The following FGF12 variants were observed in gnomAD, a reference collection of about 807,000 sequenced individuals.
FGF12 encodes the protein fibroblast growth factor 12, also known as fibroblast growth factor 12B.
Under a neutral mutation model 23.6 loss-of-function variants are expected in FGF12, and 14 were observed. The ratio of observed to expected loss-of-function variants is 0.59; its 90% CI spans 0.39 to 0.93. The LOEUF is 0.93. Ranked by LOEUF, FGF12 falls within the 40% of genes least tolerant of loss-of-function variation. The pLI is 0.00. For missense variants in FGF12, 175 were observed against 217.8 expected (o/e 0.80, Z 1.24); for synonymous variants, 62 against 77.3 (o/e 0.80, Z 1.04).
intron 4 of FGF12, among the ~76,000 whole-genome samples, chr3:192,246,078 T>TA (rs1390122446): frequency 6.6e-6 from 1 of 152,164 alleles, no homozygotes; most frequent in Non-Finnish European, 1.5e-5. Flanking sequence ...AACATAAACA[T>TA]AACTTCAAAA....
chr3:192,431,060 A>G (rs1409701769), intron 2 of FGF12, among the ~76,000 whole-genome samples: 1 of 152,196 alleles, frequency 6.6e-6, no homozygotes, highest in African/African-American at 2.4e-5. Context: ...TATTTTGAAG[A>G]TATCCTGTAA....
At chr3:192,430,243 C>G (rs1721821121) in intron 2 of FGF12, among the ~76,000 whole-genome samples, 1 of 151,850 alleles carries the variant, frequency 6.6e-6, no homozygotes, top group South Asian at 2.1e-4. Flanking sequence ...GGGCATTATG[C>G]CACATGAAAT....
At chr3:192,421,075 T>G (rs983270235) in intron 2 of FGF12, among the ~76,000 whole-genome samples, 2 of 152,126 alleles carry the variant, frequency 1.3e-5, no homozygotes, top group African/African-American at 4.8e-5. Flanking sequence ...TGCATGAAGT[T>G]AGGAGCTTTA....
intron 4 of FGF12, among the ~76,000 whole-genome samples, chr3:192,295,029 C>T (rs1714954735): frequency 6.6e-6 from 1 of 152,144 alleles, no homozygotes; most frequent in South Asian, 2.1e-4. Flanking sequence ...CAGATGTAAA[C>T]ATATTGTTTC....
chr3:192,678,323 C>T (rs1275201548), intron 2 of FGF12, among the ~76,000 whole-genome samples: 3 of 152,194 alleles, frequency 2.0e-5, no homozygotes, highest in African/African-American at 7.2e-5. Context: ...TGAAGCCAAG[C>T]TGACTGCAGA....
chr3:192,635,124 T>C (rs1430738080), intron 2 of FGF12, among the ~76,000 whole-genome samples: 1 of 152,176 alleles, frequency 6.6e-6, no homozygotes, highest in African/African-American at 2.4e-5. Flanking sequence ...CCTCCCAAAG[T>C]GCTGGGGTTA....
At chr3:192,149,039 C>A (rs1713889199) in intron 5 of FGF12, among the ~76,000 whole-genome samples, 2 of 151,962 alleles carry the variant, frequency 1.3e-5, no homozygotes, top group Admixed American at 1.3e-4. Context: ...GAATTCCAGG[C>A]CAGAAAATTT....
chr3:192,170,284 G>A (rs201481545), intron 5 of FGF12, among the ~76,000 whole-genome samples, 174 bp downstream of exon 5: 2,032 of 107,996 alleles, frequency 0.019, no homozygotes, highest in Middle Eastern at 0.026. Context: ...TGCCTCAAAA[G>A]AAAAAAAAAA....
In FGF12 at chr3:192,507,186, C is replaced by T. The variant is rs1255702857; in HGVS notation, c.14-146648G>A. On this transcript the variant is annotated intron_variant, in intron 2 of 5. Coordinates refer to ENST00000445105, the MANE Select transcript of FGF12 (RefSeq NM_004113.6). ...GGATTACAGGCGTGAGCCACTGTGC[C>T]CGGCCATGAACTCAGTTTTTACAGC... Among the ~76,000 whole-genome samples the T allele has an allele frequency of 2.0e-5, 3 of 152,104 alleles. No individual in the cohort carries two copies. In the East Asian group the frequency reaches 5.8e-4, roughly 29 times the overall value.
At chr3:192,627,852 ATGTG>A (rs138709721) in intron 2 of FGF12, among the ~76,000 whole-genome samples, 66 of 147,334 alleles carry the variant, frequency 4.5e-4, no homozygotes, top group East Asian at 1.0e-3. Context: ...GTGTGTGTGC[ATGTG>A]TGTGTGTGTG....
chr3:192,666,463 T>C (rs537096357), intron 2 of FGF12, among the ~76,000 whole-genome samples: 11 of 152,220 alleles, frequency 7.2e-5, no homozygotes, highest in Non-Finnish European at 1.5e-4. Context: ...TAAATACAAG[T>C]GCTGTGACTT....
At chr3:192,299,643 T>C (rs1297684557) in intron 4 of FGF12, among the ~76,000 whole-genome samples, 1 of 152,192 alleles carries the variant, frequency 6.6e-6, no homozygotes, top group Non-Finnish European at 1.5e-5. Flanking sequence ...TATAGTGTTG[T>C]TCCCAAAAGA....
intron 2 of FGF12, among the ~76,000 whole-genome samples, chr3:192,435,534 T>C (rs1042775111): frequency 6.6e-6 from 1 of 152,180 alleles, no homozygotes; most frequent in African/African-American, 2.4e-5. Context: ...GTATCACAGA[T>C]AATGTACTGG....
chr3:192,719,392 G>T (rs1718963595), intron 2 of FGF12, among the ~76,000 whole-genome samples: 1 of 152,098 alleles, frequency 6.6e-6, no homozygotes, highest in Non-Finnish European at 1.5e-5. Flanking sequence ...TGTTATTGAG[G>T]GTCTTGCTAT....
chr3:192,184,866 T>A (rs568792431), intron 4 of FGF12, among the ~76,000 whole-genome samples: 1 of 152,356 alleles, frequency 6.6e-6, no homozygotes, highest in South Asian at 2.1e-4. Context: ...TTCAGATATA[T>A]GTGGATAATT....
intron 4 of FGF12, among the ~76,000 whole-genome samples, chr3:192,314,000 C>T (rs114890875): frequency 0.015 from 2,350 of 152,250 alleles, 65 homozygotes; most frequent in African/African-American, 0.055. Context: ...GGATCAGTGT[C>T]CTTGTAAGAA....
chr3:192,647,043 G>C (rs1251815912), intron 2 of FGF12, among the ~76,000 whole-genome samples: 1 of 152,028 alleles, frequency 6.6e-6, no homozygotes, highest in African/African-American at 2.4e-5. Flanking sequence ...GGCTAAATGA[G>C]TTATGTCTGT....
At chr3:192,206,290 T>A (rs963240847) in intron 4 of FGF12, among the ~76,000 whole-genome samples, 2 of 152,148 alleles carry the variant, frequency 1.3e-5, no homozygotes, top group South Asian at 4.1e-4. Context: ...CAACAAAGGA[T>A]CATAGATCAT....
At chr3:192,460,249 C>T (rs1356721235) in intron 2 of FGF12, among the ~76,000 whole-genome samples, 3 of 152,174 alleles carry the variant, frequency 2.0e-5, no homozygotes, top group African/African-American at 7.2e-5. Flanking sequence ...GCCTGAACTT[C>T]TTCCTTTTCC....
Sources: gnomAD v4.1 joint callset for allele counts (sites outside exome capture counted in the v4.1 genomes callset) on GRCh38, gnomAD v4.1.1 for gene constraint, MANE v1.5 for transcripts, NCBI Gene and HGNC (gene_info 2026-07-23, HGNC 2026-07-21) for gene names.